Variants in ANKRD30B observed in about 807,000 individuals in gnomAD.
The protein encoded by ANKRD30B is ankyrin repeat domain 30B.
ANKRD30B carries 144 observed loss-of-function variants against 202.2 expected under a neutral mutation model. The ratio of observed to expected loss-of-function variants is 0.71; its 90% CI spans 0.62 to 0.82. ANKRD30B has a LOEUF of 0.82. ANKRD30B is among the 40% of genes least tolerant of loss of function. ANKRD30B has a pLI of 0.00. For synonymous variants in ANKRD30B, 508 were observed against 561.3 expected, an observed-to-expected ratio of 0.91 and a Z score of 1.34; for missense variants, 1,487 against 1,669.1, an observed-to-expected ratio of 0.89 and a Z score of 1.90.
chr18:14,760,650 G>A (rs1915107579), intron 6 of ANKRD30B, 32 bp downstream of exon 6: 6 of 1,431,970 alleles, frequency 4.2e-6, no homozygotes, highest in Non-Finnish European at 5.7e-6. Flanking sequence ...TACTCTTGAT[G>A]GTGCTACCAT....
At chr18:14,869,689 G>C in the ANKRD30B span, among the ~76,000 whole-genome samples, 26 of 150,584 alleles carry the variant, frequency 1.7e-4, no homozygotes, top group East Asian at 4.9e-3. Flanking sequence ...GGAACTTCCA[G>C]TATTAAGCAT....
intron 5 of ANKRD30B, among the ~76,000 whole-genome samples, chr18:14,758,243 G>A (rs1914688310): frequency 6.6e-6 from 1 of 152,056 alleles, no homozygotes; most frequent in South Asian, 2.1e-4. Context: ...TGTCCACTTC[G>A]GCAGAAAACC....
At chr18:14,755,026 T>C in intron 4 of ANKRD30B, 21 bp downstream of exon 4, 1 of 1,346,844 alleles carries the variant, frequency 7.4e-7, no homozygotes, top group Non-Finnish European at 9.8e-7. Flanking sequence ...TCTTTTTTTT[T>C]ACTAAAAAAC....
At chr18:14,896,192 C>A in the ANKRD30B span, among the ~76,000 whole-genome samples, 2 of 150,820 alleles carry the variant, frequency 1.3e-5, no homozygotes, top group African/African-American at 4.9e-5. Context: ...AGTGCAGTGG[C>A]GTGATCTCGG....
At chr18:14,844,025 G>A (rs1971531653) in intron 39 of ANKRD30B, among the ~76,000 whole-genome samples, 1 of 152,066 alleles carries the variant, frequency 6.6e-6, no homozygotes, top group Non-Finnish European at 1.5e-5. Context: ...GTTTTCAACT[G>A]CTAATATGTA....
intron 6 of ANKRD30B, among the ~76,000 whole-genome samples, chr18:14,760,923 A>G (rs1598574953): frequency 6.6e-6 from 1 of 152,134 alleles, no homozygotes; most frequent in South Asian, 2.1e-4. Context: ...AGGTAACACA[A>G]TTTTTAAGTT....
downstream of ANKRD30B, among the ~76,000 whole-genome samples, chr18:14,858,953 G>A (rs1429939161): frequency 1.2e-4 from 11 of 91,422 alleles, no homozygotes; most frequent in South Asian, 3.2e-4. Context: ...CAGATGAGGC[G>A]GCCTGGCAGA....
chr18:14,809,099 A>T (rs1156268252), intron 26 of ANKRD30B, among the ~76,000 whole-genome samples: 1 of 145,304 alleles, frequency 6.9e-6, no homozygotes, highest in African/African-American at 2.6e-5. Flanking sequence ...TGGTGCCAAC[A>T]ATTCACTAGA....
downstream of ANKRD30B, among the ~76,000 whole-genome samples, chr18:14,858,933 C>T (rs1403837285): frequency 1.7e-4 from 16 of 96,524 alleles, no homozygotes; most frequent in Non-Finnish European, 2.4e-4. Context: ...CAGAGGCGCT[C>T]CTCACCTCCC....
the ANKRD30B span, among the ~76,000 whole-genome samples, chr18:14,867,888 T>A: frequency 1.3e-5 from 2 of 152,238 alleles, no homozygotes; most frequent in Non-Finnish European, 2.9e-5. Flanking sequence ...TGTCACTTTC[T>A]GCATCCTGTT....
chr18:14,849,070 T>C (rs1159988811), intron 40 of ANKRD30B, 141 bp downstream of exon 40: 9 of 966,506 alleles, frequency 9.3e-6, no homozygotes, highest in Admixed American at 4.3e-5. Context: ...TTCTTTTAAA[T>C]AATAAAAGTT....
At chr18:14,895,129 G>A in the ANKRD30B span, among the ~76,000 whole-genome samples, 3 of 81,264 alleles carry the variant, frequency 3.7e-5, no homozygotes, top group Non-Finnish European at 6.0e-5. Flanking sequence ...CTGACACTGG[G>A]GACTACTGGC....
At chr18:14,875,398 G>A in the ANKRD30B span, among the ~76,000 whole-genome samples, 3 of 152,208 alleles carry the variant, frequency 2.0e-5, no homozygotes, top group Non-Finnish European at 2.9e-5. Context: ...CAGGACAGAA[G>A]GGCATCTGGA....
At chr18:14,866,473 G>A in the ANKRD30B span, among the ~76,000 whole-genome samples, 6 of 152,160 alleles carry the variant, frequency 3.9e-5, no homozygotes, top group Non-Finnish European at 8.8e-5. Flanking sequence ...AGCTGTAGGA[G>A]GGTGGCTGGC....
At chr18:14,930,293 A>G in the ANKRD30B span, among the ~76,000 whole-genome samples, 1 of 151,546 alleles carries the variant, frequency 6.6e-6, no homozygotes, top group Non-Finnish European at 1.5e-5. Flanking sequence ...CTTGAGTGAA[A>G]TATACACTAA....
intron 4 of ANKRD30B, among the ~76,000 whole-genome samples, chr18:14,756,447 G>A (rs893245650): frequency 6.6e-6 from 1 of 152,146 alleles, no homozygotes; most frequent in African/African-American, 2.4e-5. Context: ...TGTTGCCATT[G>A]CTTTTGGTGT....
intron 32 of ANKRD30B, among the ~76,000 whole-genome samples, chr18:14,824,071 A>G (rs1970566868): frequency 6.6e-6 from 1 of 151,668 alleles, no homozygotes; most frequent in Admixed American, 6.6e-5. Context: ...TAAATTTTCA[A>G]TAAATAGTTG....
chr18:14,849,927 A>G lies in ANKRD30B; in HGVS notation c.3396-287A>G, dbSNP rs537178810. Among the ~76,000 whole-genome samples the G allele has an allele frequency of 2.0e-5, 3 of 151,808 alleles. No individual in the cohort carries two copies. The East Asian group carries it at 5.8e-4, about 29-fold the overall frequency. On this transcript the variant is annotated intron_variant, in intron 40 of 43. Transcript: ENST00000690538. ...ATTTTTAAAAAATAATTTTCAACTT[A>G]TAAATTTACTAGATAGCTTCCAATA...
intron 1 of ANKRD30B, among the ~76,000 whole-genome samples, chr18:14,750,799 G>A (rs1913306698): frequency 6.6e-6 from 1 of 152,102 alleles, no homozygotes; most frequent in South Asian, 2.1e-4. Context: ...TGTACCAAGT[G>A]AGGGTAAAAT....
Sources: allele counts gnomAD v4.1 joint callset (sites outside exome capture counted in the v4.1 genomes callset), GRCh38; gene constraint gnomAD v4.1.1; transcripts MANE v1.5; gene names NCBI Gene and HGNC (gene_info 2026-07-23, HGNC 2026-07-21).